The following TMEFF1 variants were observed in gnomAD, a reference collection of about 807,000 sequenced individuals.
The protein encoded by TMEFF1 is transmembrane protein with EGF like and two follistatin like domains 1.
A neutral mutation model predicts 47.5 loss-of-function variants in TMEFF1; 20 were observed. The ratio of observed to expected loss-of-function variants is 0.42; its 90% CI spans 0.30 to 0.61. The LOEUF is 0.61. Among genes scored for constraint, TMEFF1 ranks in the 20% least tolerant of loss-of-function variants. The pLI is 0.19. For synonymous variants in TMEFF1, 162 were observed against 166.3 expected, an observed-to-expected ratio of 0.97 and a Z score of 0.20; for missense variants, 411 against 471.1, an observed-to-expected ratio of 0.87 and a Z score of 1.18.
chr9:100,575,622 G>A (rs1046761596), intron 9 of TMEFF1, among the ~76,000 whole-genome samples: 5 of 152,152 alleles, frequency 3.3e-5, no homozygotes, highest in Non-Finnish European at 5.9e-5. Context: ...GAAATCGAAC[G>A]AAATGAGGAG....
At chr9:100,555,412 C>T (rs1342443333) in intron 7 of TMEFF1, among the ~76,000 whole-genome samples, 2 of 152,112 alleles carry the variant, frequency 1.3e-5, no homozygotes, top group Admixed American at 6.6e-5. Context: ...TTTACTTGGC[C>T]TGGAGAGCAG....
At chr9:100,508,882 A>T in intron 2 of TMEFF1, 123 bp from the exon 3 acceptor site, 1 of 1,228,658 alleles carries the variant, frequency 8.1e-7, no homozygotes, top group Non-Finnish European at 1.0e-6. Context: ...AAAAAAAAAA[A>T]AAAACCCCAG....
chr9:100,540,580 C>T (rs1838610406), intron 5 of TMEFF1, among the ~76,000 whole-genome samples: 1 of 152,218 alleles, frequency 6.6e-6, no homozygotes, highest in South Asian at 2.1e-4. Flanking sequence ...CCCCACAGTG[C>T]AGTGGCAGAC....
At chr9:100,495,858 C>T (rs1837641591) in intron 1 of TMEFF1, among the ~76,000 whole-genome samples, 1 of 152,202 alleles carries the variant, frequency 6.6e-6, no homozygotes, top group Non-Finnish European at 1.5e-5. Context: ...CTAATGCATT[C>T]CACTGCTACA....
At chr9:100,535,583 C>T (rs1453931067) in intron 5 of TMEFF1, among the ~76,000 whole-genome samples, 2 of 152,178 alleles carry the variant, frequency 1.3e-5, no homozygotes, top group Non-Finnish European at 2.9e-5. Context: ...CCAGCCTGGC[C>T]AACATGGCCA....
At chr9:100,502,050 C>T (rs1181452145) in intron 2 of TMEFF1, among the ~76,000 whole-genome samples, 1 of 152,160 alleles carries the variant, frequency 6.6e-6, no homozygotes, top group East Asian at 1.9e-4. Flanking sequence ...GTCAACTCTT[C>T]TCAAAGGCAA....
At chr9:100,537,532 G>A (rs1838540662) in intron 5 of TMEFF1, among the ~76,000 whole-genome samples, 1 of 152,342 alleles carries the variant, frequency 6.6e-6, no homozygotes, top group East Asian at 1.9e-4. Flanking sequence ...TACTGCCTTG[G>A]TGAGATAGTA....
chr9:100,506,735 C>G (rs1438638442), intron 2 of TMEFF1, among the ~76,000 whole-genome samples: 1 of 144,866 alleles, frequency 6.9e-6, no homozygotes, highest in Non-Finnish European at 1.5e-5. Flanking sequence ...CCACTGCTCT[C>G]CAGCCTAGGC....
At chr9:100,535,098 C>T (rs1285865344) in intron 5 of TMEFF1, among the ~76,000 whole-genome samples, 1 of 152,090 alleles carries the variant, frequency 6.6e-6, no homozygotes, top group East Asian at 1.9e-4. Context: ...TCTGTAATTG[C>T]CAGGATTGAT....
chr9:100,569,969 A>G (rs1839199742), intron 8 of TMEFF1, among the ~76,000 whole-genome samples: 1 of 152,096 alleles, frequency 6.6e-6, no homozygotes, highest in Non-Finnish European at 1.5e-5. Context: ...CCTGGTAACC[A>G]CTATTCTACT....
rs1322946515 is a variant in TMEFF1, at chr9:100,561,479, A to G, written c.858A>G (p.Gly286=). The G allele has an allele frequency of 1.9e-6, 3 of 1,613,894 alleles. No individual in the cohort carries two copies. Among genetic ancestry groups the G allele is most frequent in the Non-Finnish European group, 2.5e-6 (3 of 1,179,874 alleles). Residue 286 remains glycine, a synonymous_variant, in exon 8 of 10, where the codon GGA becomes GGG. Transcript: ENST00000374879. ...ACCTCAATGGTTACTGCATCCATGG[A>G]AAATGTGAATTCATCTATTCTACTC... ...PENLNGYCIH[G]KCEFIYSTQK...
At chr9:100,506,014 T>C (rs1837853845) in intron 2 of TMEFF1, among the ~76,000 whole-genome samples, 1 of 152,090 alleles carries the variant, frequency 6.6e-6, no homozygotes, top group African/African-American at 2.4e-5. Flanking sequence ...GGAATATATA[T>C]AATAGGGAGG....
At chr9:100,475,582 C>G (rs923054332) in intron 1 of TMEFF1, among the ~76,000 whole-genome samples, 10 of 152,100 alleles carry the variant, frequency 6.6e-5, no homozygotes, top group African/African-American at 2.4e-4. Context: ...TCGTTCTTAG[C>G]AAAATATAGT....
At chr9:100,480,193 C>T (rs966700639) in intron 1 of TMEFF1, among the ~76,000 whole-genome samples, 2 of 152,172 alleles carry the variant, frequency 1.3e-5, no homozygotes, top group South Asian at 2.1e-4. Flanking sequence ...TATTCAGATC[C>T]TTTGCTGGGC....
chr9:100,516,136 C>T (rs1332598), intron 4 of TMEFF1, among the ~76,000 whole-genome samples: 27,935 of 152,124 alleles, frequency 0.18, 2,782 homozygotes, highest in South Asian at 0.32. Context: ...AAGTCCTTTA[C>T]AAAGAGACCC....
At chr9:100,549,853 C>T (rs569623286) in intron 6 of TMEFF1, among the ~76,000 whole-genome samples, 28 of 152,022 alleles carry the variant, frequency 1.8e-4, no homozygotes, top group Non-Finnish European at 3.5e-4. Context: ...TTAAAGGAGG[C>T]GACATTGGAG....
intron 5 of TMEFF1, among the ~76,000 whole-genome samples, chr9:100,545,461 A>AGTCC (rs1217815022): frequency 2.0e-5 from 3 of 152,214 alleles, no homozygotes; most frequent in Non-Finnish European, 4.4e-5. Flanking sequence ...CAGGGCACCA[A>AGTCC]GTCCCTAGGC....
At chr9:100,510,395 A>T (rs2118364545) in intron 3 of TMEFF1, among the ~76,000 whole-genome samples, 1 of 152,182 alleles carries the variant, frequency 6.6e-6, no homozygotes, top group East Asian at 1.9e-4. Context: ...GACAGAGTTA[A>T]CTCCTCCTAG....
chr9:100,550,034 G>A lies in TMEFF1; in HGVS notation c.710-61G>A, dbSNP rs1163467959. 5 of 1,551,676 alleles carry A rather than the reference G, an allele frequency of 3.2e-6. No homozygotes were observed. In the East Asian group the frequency reaches 9.3e-5, roughly 29 times the overall value. ...TTGGAATAATTTGGAATTATTGGGA[G>A]TATCATGATATGACTTAACCATTGT... On this transcript the variant is annotated intron_variant, in intron 6 of 9. Coordinates refer to ENST00000374879, the MANE Select transcript of TMEFF1 (RefSeq NM_003692.5).
Sources: gnomAD v4.1 joint callset for allele counts (sites outside exome capture counted in the v4.1 genomes callset) on GRCh38, gnomAD v4.1.1 for gene constraint, MANE v1.5 for transcripts, NCBI Gene and HGNC (gene_info 2026-07-23, HGNC 2026-07-21) for gene names.